The following PDHX variants were observed in gnomAD, a reference collection of about 807,000 sequenced individuals.
The protein encoded by PDHX is pyruvate dehydrogenase complex component X, also known as pyruvate dehydrogenase protein X component, mitochondrial.
In PDHX, 33 loss-of-function variants were observed where a neutral mutation model predicts 55.3. The ratio of observed to expected loss-of-function variants is 0.60; its 90% CI spans 0.45 to 0.80. The LOEUF (loss-of-function observed/expected upper bound fraction) is 0.80, where lower values mean the gene tolerates loss of function less well. Among genes scored for constraint, PDHX ranks in the 30% least tolerant of loss-of-function variants. The pLI is 0.00. For synonymous variants in PDHX, 226 were observed against 219.4 expected (o/e 1.03, Z -0.27); for missense variants, 622 against 619.9 (o/e 1.00, Z -0.04).
chr11:34,932,737 G>A (rs1426717888), intron 2 of PDHX, among the ~76,000 whole-genome samples: 1 of 152,084 alleles, frequency 6.6e-6, no homozygotes, highest in Admixed American at 6.6e-5. Context: ...CTACTTCGAG[G>A]GATTTGTCTC....
chr11:34,937,796 G>A (rs975978098), intron 2 of PDHX, among the ~76,000 whole-genome samples: 1 of 152,182 alleles, frequency 6.6e-6, no homozygotes, highest in Non-Finnish European at 1.5e-5. Context: ...AAGTTGTCCT[G>A]GGCTGATCGC....
chr11:34,993,838 C>G (rs910240134), intron 10 of PDHX, among the ~76,000 whole-genome samples: 19 of 152,156 alleles, frequency 1.2e-4, no homozygotes, highest in Admixed American at 4.6e-4. Flanking sequence ...TGAGAATTGA[C>G]ATCCTTACAG....
chr11:34,940,788 T>C lies in PDHX; in HGVS notation c.242-6718T>C, dbSNP rs564986048. Among the ~76,000 whole-genome samples the C allele has an allele frequency of 8.1e-4, 123 of 152,336 alleles. 1 individual carries two copies. The highest frequency in any genetic ancestry group is 1.4e-3 in the Non-Finnish European group (92 of 68,022). On this transcript the variant is annotated intron_variant, in intron 2 of 10. Transcript: ENST00000227868. ...CTAAAGTTTTGCCTTTTGTCTATGTTTCATATAAATAGAAGCATGTAATGT... is the reference window on the plus strand; with the variant it reads ...CTAAAGTTTTGCCTTTTGTCTATGTCTCATATAAATAGAAGCATGTAATGT...
intron 1 of PDHX, among the ~76,000 whole-genome samples, chr11:34,922,535 C>A (rs1041850038): frequency 3.3e-5 from 5 of 152,204 alleles, no homozygotes; most frequent in Admixed American, 1.3e-4. Flanking sequence ...TTCAGCAGAA[C>A]AGTGTCAGCA....
At chr11:34,976,968 T>C (rs1003173893) in intron 7 of PDHX, among the ~76,000 whole-genome samples, 4 of 152,166 alleles carry the variant, frequency 2.6e-5, no homozygotes, top group Non-Finnish European at 5.9e-5. Context: ...TATGTGGTTA[T>C]CATTAAAAGC....
At chr11:34,988,147 A>T (rs1259884745) in intron 9 of PDHX, among the ~76,000 whole-genome samples, 2 of 152,338 alleles carry the variant, frequency 1.3e-5, no homozygotes, top group East Asian at 1.9e-4. Context: ...AAACTAATTC[A>T]TATATGAATA....
intron 2 of PDHX, among the ~76,000 whole-genome samples, chr11:34,943,234 C>T (rs1044777382): frequency 6.6e-6 from 1 of 152,128 alleles, no homozygotes; most frequent in African/African-American, 2.4e-5. Context: ...AGTAATATAA[C>T]ATTTTATATG....
At chr11:34,921,178 A>G (rs927102843) in intron 1 of PDHX, among the ~76,000 whole-genome samples, 2 of 152,236 alleles carry the variant, frequency 1.3e-5, no homozygotes, top group Non-Finnish European at 2.9e-5. Context: ...AACATCACTT[A>G]TAAAATGCTG....
intron 3 of PDHX, among the ~76,000 whole-genome samples, chr11:34,948,951 A>T (rs185765141): frequency 1.3e-5 from 2 of 152,252 alleles, no homozygotes; most frequent in East Asian, 3.9e-4. Context: ...GCATTTTTCC[A>T]CTTAGCTGCT....
chr11:34,947,372 A>G, intron 2 of PDHX, 134 bp from the exon 3 acceptor site: 1 of 647,860 alleles, frequency 1.5e-6, no homozygotes, highest in South Asian at 1.9e-5. Flanking sequence ...CATAATGAGA[A>G]TTACTTGTAT....
intron 8 of PDHX, among the ~76,000 whole-genome samples, chr11:34,981,266 T>A (rs1855506773): frequency 6.6e-6 from 1 of 152,152 alleles, no homozygotes; most frequent in Non-Finnish European, 1.5e-5. Flanking sequence ...TTTTTTGTCC[T>A]TGAGGTAGTT....
rs1387343505 is a variant in PDHX at position 34,939,410 on chromosome 11, TA to T, written c.241+7931del. ...CATTCAATGGACAGCAGTTCAGTCT[TA>T]AAAACCATTAAGTTTTTTCAAAGAT... On this transcript the variant is annotated intron_variant, in intron 2 of 10. Coordinates refer to ENST00000227868, the MANE Select transcript of PDHX (RefSeq NM_003477.3). 5.3e-5 allele frequency among the ~76,000 whole-genome samples: 8 copies of T among 152,292 alleles called. 1 individual carries two copies. The South Asian group carries it at 1.5e-3, about 28-fold the overall frequency.
Position 34,984,633 on chromosome 11 carries a change from A to G in PDHX, c.1087A>G (p.Ile363Val). The G allele has an allele frequency of 6.2e-7, 1 of 1,613,972 alleles. No homozygotes were observed. The highest frequency in any genetic ancestry group is 1.3e-5 in the African/African-American group (1 of 75,042). The change falls in exon 9 of 11, where the codon ATT becomes GTT. Residue 363 changes from isoleucine (I) to valine (V), a missense_variant. Coordinates refer to ENST00000227868, the MANE Select transcript of PDHX (RefSeq NM_003477.3). ...CCCAAAGCAACTGCCATTTATTGACATTTCAGTGGCTGTGGCAACAGATAA... is the reference window on the plus strand; with the variant it reads ...CCCAAAGCAACTGCCATTTATTGACGTTTCAGTGGCTGTGGCAACAGATAA... Reference protein sequence around the residue: ...EGPKQLPFIDISVAVATDKGL... With the variant: ...EGPKQLPFIDVSVAVATDKGL...
chr11:34,978,173 T>C lies in PDHX; in HGVS notation c.1014T>C (p.Val338=). 6.4e-7 allele frequency: 1 copy of C among 1,562,870 alleles called. No homozygotes were observed. The highest frequency in any genetic ancestry group is 8.8e-7 in the Non-Finnish European group (1 of 1,133,322). Residue 338 remains valine, a synonymous_variant, in exon 8 of 11, where the codon GTT becomes GTC. Coordinates refer to ENST00000227868, the MANE Select transcript of PDHX (RefSeq NM_003477.3). Reference sequence around the variant, plus strand: ...ATTTTATCATCAAGGCAGCAGCTGTTACCCTTAAAGTAAGTAGCAGACTTC... The same window carrying C: ...ATTTTATCATCAAGGCAGCAGCTGTCACCCTTAAAGTAAGTAGCAGACTTC... ...VNDFIIKAAA[V]TLKQMPDVNV... is the part of the protein sequence containing the mutation.
chr11:34,978,447 T>C lies in PDHX; in HGVS notation c.1023+265T>C, dbSNP rs182540080. On this transcript the variant is annotated intron_variant, in intron 8 of 10. Coordinates refer to ENST00000227868, the MANE Select transcript of PDHX (RefSeq NM_003477.3). ...AAACAAAAGCTTACTTGATTTCTGC[T>C]GTCCCTGGGGCTTACATTCTAGTTG... Among the ~76,000 whole-genome samples the C allele has an allele frequency of 1.0e-3, 155 of 152,286 alleles. 1 individual carries two copies. The highest frequency in any genetic ancestry group is 6.8e-3 in the Middle Eastern group (2 of 294).
chr11:34,962,815 T>C (rs1855047172), intron 5 of PDHX, among the ~76,000 whole-genome samples: 1 of 152,194 alleles, frequency 6.6e-6, no homozygotes, highest in Non-Finnish European at 1.5e-5. Context: ...TTAATACATA[T>C]ATGATGCGCA....
intron 9 of PDHX, among the ~76,000 whole-genome samples, chr11:34,991,688 C>G (rs1439990359): frequency 6.6e-6 from 1 of 151,862 alleles, no homozygotes; most frequent in African/African-American, 2.4e-5. Context: ...GTGGGTGGAT[C>G]ACTTGAGTTC....
intron 9 of PDHX, chr11:34,985,028 T>TGCTA: frequency 3.0e-6 from 1 of 332,044 alleles, no homozygotes; most frequent in East Asian, 7.0e-5. Context: ...GCCATAAAGA[T>TGCTA]GCTATATCAG....
Position 34,957,570 on chromosome 11 carries a change from C to T in PDHX, c.529C>T (p.Pro177Ser), listed in dbSNP as rs775331560. 1 of 1,612,762 alleles carries T rather than the reference C, an allele frequency of 6.2e-7. No homozygotes were observed. The highest frequency in any genetic ancestry group is 8.5e-7 in the Non-Finnish European group (1 of 1,178,926). ...CATCCCTGTCAAGAAGGAACACATA[C>T]CCGGGACACTACGGTGAGTATATAT... Reference protein sequence around the residue: ...ISIPVKKEHIPGTLRFRLSPA... With the variant: ...ISIPVKKEHISGTLRFRLSPA... Residue 177 changes from proline (P) to serine (S), a missense_variant, in exon 4 of 11, where the codon CCC becomes TCC. Pro to Ser is a moderately conservative substitution (Grantham distance 74). Transcript: ENST00000227868.
Sources: gnomAD v4.1 joint callset for allele counts (sites outside exome capture counted in the v4.1 genomes callset) on GRCh38, gnomAD v4.1.1 for gene constraint, MANE v1.5 for transcripts, NCBI Gene and HGNC (gene_info 2026-07-23, HGNC 2026-07-21) for gene names.